MTSS2: variants seen among roughly 807,000 people sequenced by gnomAD.
MTSS2 encodes protein MTSS 2.
In MTSS2, 27 loss-of-function variants were observed where a neutral mutation model predicts 67.1. The ratio of observed to expected loss-of-function variants is 0.40; its 90% CI spans 0.30 to 0.55. The LOEUF (loss-of-function observed/expected upper bound fraction) is 0.55, where lower values mean the gene tolerates loss of function less well. MTSS2 is among the 20% of genes least tolerant of loss of function. MTSS2 has a pLI of 0.43. For synonymous variants in MTSS2, 624 were observed against 468.6 expected (o/e 1.33, Z -4.28); for missense variants, 1,171 against 1,067.8 (o/e 1.10, Z -1.35).
chr16:70,677,772 T>C lies in MTSS2; in HGVS notation c.732+20A>G, dbSNP rs960799501. 1.3e-6 allele frequency: 2 copies of C among 1,587,730 alleles called. No individual in the cohort carries two copies. The highest frequency in any genetic ancestry group is 1.7e-6 in the Non-Finnish European group (2 of 1,165,030). Reference sequence around the variant, plus strand: ...CCTCCCTGCCCCTGGCCCTGGCCCTTGGCCAGAGGGCTCCCGCACCTGCTC... The same window carrying C: ...CCTCCCTGCCCCTGGCCCTGGCCCTCGGCCAGAGGGCTCCCGCACCTGCTC... On this transcript the variant is annotated intron_variant, in intron 9 of 14. Coordinates refer to ENST00000338779, the MANE Select transcript of MTSS2 (RefSeq NM_138383.3).
rs1224930709 is a variant in MTSS2, at chr16:70,670,965, GTC to G, written c.1053+3339_1053+3340del. 4.0e-5 allele frequency among the ~76,000 whole-genome samples: 4 copies of G among 101,098 alleles called. No homozygotes were observed. The East Asian group carries it at 1.4e-3, about 34-fold the overall frequency. The allele number at this position is 101,098 out of a possible 152,430, so 66.3% of individuals were successfully genotyped here. On this transcript the variant is annotated intron_variant, in intron 11 of 14. Transcript: ENST00000338779. ...AGCCTGGGTGACAGAGTGAGACCCT[GTC>G]TCAAAAAAAAAAAAAAAAAAAAAAA...
intron 1 of MTSS2, among the ~76,000 whole-genome samples, 167 bp downstream of exon 1, chr16:70,685,556 G>A (rs2053427636): frequency 6.6e-6 from 1 of 152,130 alleles, no homozygotes; most frequent in African/African-American, 2.4e-5. Flanking sequence ...CCCCAGACGG[G>A]CACCCGGAGA....
intron 12 of MTSS2, 141 bp from the exon 13 acceptor site, chr16:70,665,237 T>C (rs2052665747): frequency 9.4e-7 from 1 of 1,062,528 alleles, no homozygotes; most frequent in African/African-American, 1.6e-5. Flanking sequence ...GGGCAGAGCA[T>C]GGAGTGTGAC....
intron 11 of MTSS2, among the ~76,000 whole-genome samples, chr16:70,667,499 G>A (rs1231306882): frequency 6.6e-6 from 1 of 152,022 alleles, no homozygotes; most frequent in Admixed American, 6.6e-5. Context: ...AAACATCAGT[G>A]TAATTTACGA....
chr16:70,676,345 G>A lies in MTSS2; in HGVS notation c.830+536C>T, dbSNP rs573225920. Among the ~76,000 whole-genome samples the A allele has an allele frequency of 5.9e-5, 9 of 152,336 alleles. No homozygotes were observed. The South Asian group carries it at 1.7e-3, about 28-fold the overall frequency. On this transcript the variant is annotated intron_variant, in intron 10 of 14. Coordinates refer to ENST00000338779, the MANE Select transcript of MTSS2 (RefSeq NM_138383.3). The stretch of plus-strand genomic sequence containing the variant: ...TAGCCTGGGCCAAGGCTCCAAATGC[G>A]GCAGCTGCCTCCATGGGAACCAGCT...
chr16:70,678,423 G>T lies in MTSS2; in HGVS notation c.467-14C>A, dbSNP rs2053190958. ...GGTCTCCTTTCCCTGGAGGGGTGGG[G>T]AGGAGAGGCCTTGCTGGGGATGCCA... is the stretch of plus-strand genomic sequence containing the variant. On this transcript the variant is annotated splice_polypyrimidine_tract_variant and intron_variant, in intron 7 of 14. Transcript: ENST00000338779. 3 of 1,603,112 alleles carry T rather than the reference G, an allele frequency of 1.9e-6. No homozygotes were observed. Among genetic ancestry groups the T allele is most frequent in the Non-Finnish European group, 2.6e-6 (3 of 1,174,488 alleles).
At chr16:70,665,151 C>T (rs776141061) in intron 12 of MTSS2, 55 bp from the exon 13 acceptor site, 92 of 1,527,428 alleles carry the variant, frequency 6.0e-5, no homozygotes, top group Admixed American at 1.2e-4. Flanking sequence ...ACCTATGGCC[C>T]GGGGGCCCGT....
chr16:70,667,882 A>C (rs1323634472), intron 11 of MTSS2, among the ~76,000 whole-genome samples: 10 of 151,898 alleles, frequency 6.6e-5, no homozygotes, highest in African/African-American at 1.7e-4. Flanking sequence ...CAGAAAAAAA[A>C]CCAAAAAACC....
Position 70,664,588 on chromosome 16 carries a change from G to A in MTSS2, c.1471+10C>T, listed in dbSNP as rs758646856. On this transcript the variant is annotated intron_variant, in intron 14 of 14. Transcript: ENST00000338779. ...CTGTCCCTGGTCCCACCCCAGCCCC[G>A]CGGGCCTGCCTTGGGAGGGGATGGT... 5.6e-6 allele frequency: 9 copies of A among 1,610,324 alleles called. No homozygotes were observed. The highest frequency in any genetic ancestry group is 1.7e-5 in the Admixed American group (1 of 59,942).
intron 11 of MTSS2, among the ~76,000 whole-genome samples, chr16:70,670,313 C>G (rs528509142): frequency 1.1e-3 from 161 of 152,264 alleles, no homozygotes; most frequent in African/African-American, 3.3e-3. Context: ...CTGTCCTAAT[C>G]TTGCTAACAG....
intron 11 of MTSS2, among the ~76,000 whole-genome samples, chr16:70,668,863 C>CA (rs1028591000): frequency 1.3e-4 from 20 of 152,268 alleles, no homozygotes; most frequent in African/African-American, 4.3e-4. Context: ...GAACTGTGAG[C>CA]GCTACATTTC....
intron 10 of MTSS2, among the ~76,000 whole-genome samples, chr16:70,675,355 C>T (rs1439607387): frequency 6.6e-6 from 1 of 150,472 alleles, no homozygotes; most frequent in Non-Finnish European, 1.5e-5. Flanking sequence ...CCCGGGAGGT[C>T]GAGGCCACAG....
intron 13 of MTSS2, 70 bp downstream of exon 13, chr16:70,664,850 C>T (rs1240712117): frequency 4.6e-6 from 7 of 1,515,580 alleles, no homozygotes; most frequent in African/African-American, 4.1e-5. Flanking sequence ...TGGTTGGAGC[C>T]GGCCCTGAGG....
chr16:70,677,410 G>C (rs1434097287), intron 9 of MTSS2, among the ~76,000 whole-genome samples: 1 of 152,114 alleles, frequency 6.6e-6, no homozygotes, highest in African/African-American at 2.4e-5. Context: ...TGGCAGCAGG[G>C]CTGGGGTGGG....
At chr16:70,666,132 C>T (rs1230032941) in intron 11 of MTSS2, among the ~76,000 whole-genome samples, 1 of 152,150 alleles carries the variant, frequency 6.6e-6, no homozygotes, top group Non-Finnish European at 1.5e-5. Context: ...CCCGTGGCTG[C>T]TGATGCGCAT....
At position 70,663,640 on chromosome 16, in the gene MTSS2, C is replaced by T. The variant is rs192891034; in HGVS notation, c.*37G>A. On this transcript the variant is annotated 3_prime_UTR_variant, in exon 15 of 15. Coordinates refer to ENST00000338779, the MANE Select transcript of MTSS2 (RefSeq NM_138383.3). Reference sequence around the variant, plus strand: ...CGGCTCACAGACCAGGCCACCTGCTCGCACTGGGGCCTGAGAGGATGGGGA... The same window carrying T: ...CGGCTCACAGACCAGGCCACCTGCTTGCACTGGGGCCTGAGAGGATGGGGA... The T allele has an allele frequency of 2.3e-4, 343 of 1,517,882 alleles. 2 individuals are homozygous for T. In the Middle Eastern group the frequency reaches 3.3e-3, roughly 15 times the overall value. The allele number at this position is 1,517,882 out of a possible 1,614,324, so 94.0% of individuals were successfully genotyped here.
chr16:70,670,139 C>T (rs971261089), intron 11 of MTSS2, among the ~76,000 whole-genome samples: 1 of 152,062 alleles, frequency 6.6e-6, no homozygotes, highest in African/African-American at 2.4e-5. Context: ...GGTGTGGTGG[C>T]ATGCGCCTGT....
intron 10 of MTSS2, 70 bp from the exon 11 acceptor site, chr16:70,674,598 T>G: frequency 1.3e-5 from 18 of 1,397,492 alleles, no homozygotes; most frequent in Non-Finnish European, 1.8e-5. Flanking sequence ...TGGGGGAGGT[T>G]GACAAACGAG....
intron 4 of MTSS2, 41 bp from the exon 5 acceptor site, chr16:70,679,918 C>T (rs1462968795): frequency 2.6e-6 from 4 of 1,524,956 alleles, no homozygotes; most frequent in Non-Finnish European, 2.6e-6. Context: ...GGCCGGGCTC[C>T]CCCGCGACGC....
Sources: allele counts gnomAD v4.1 joint callset (sites outside exome capture counted in the v4.1 genomes callset), GRCh38; gene constraint gnomAD v4.1.1; transcripts MANE v1.5; gene names NCBI Gene and HGNC (gene_info 2026-07-23, HGNC 2026-07-21).